The following DENND2B variants were observed in gnomAD, a reference collection of about 807,000 sequenced individuals.
DENND2B encodes DENN domain-containing protein 2B.
Under a neutral mutation model 116.0 loss-of-function variants are expected in DENND2B, and 32 were observed. The observed-to-expected ratio is 0.28, with a 90% confidence interval of 0.21 to 0.37. DENND2B has a LOEUF of 0.37. DENND2B is among the 10% of genes least tolerant of loss of function. The pLI is 1.00. For missense variants in DENND2B, 1,276 were observed against 1,477.7 expected, an observed-to-expected ratio of 0.86 and a Z score of 2.24; for synonymous variants, 588 against 583.9, an observed-to-expected ratio of 1.01 and a Z score of -0.10.
At chr11:8,819,575 G>A (rs1025987091) in intron 4 of DENND2B, among the ~76,000 whole-genome samples, 9 of 152,162 alleles carry the variant, frequency 5.9e-5, no homozygotes, top group East Asian at 1.9e-4. Flanking sequence ...ATGACACCAC[G>A]TACCCCGATA....
rs1163885224 is a variant in DENND2B at position 8,707,991 on chromosome 11, CCT to C, written c.2353-139_2353-138del. 54 of 1,530,988 alleles carry C rather than the reference CCT, an allele frequency of 3.5e-5. 1 individual carries two copies. The highest frequency in any genetic ancestry group is 1.6e-4 in the Admixed American group (8 of 50,830). The allele number at this position is 1,530,988 out of a possible 1,614,324, so 94.8% of individuals were successfully genotyped here. A position where few individuals can be genotyped will look rare whatever the true frequency, so the allele number is the denominator to read the frequency against. ...AGGAAGACTTTAAGCCTCCTCTAAA[CCT>C]CTCTGCAACCAGAGCCCTGAAGGAA... On this transcript the variant is annotated intron_variant, in intron 11 of 19. Transcript: ENST00000313726. The surrounding 1 kb of genome is among the most constrained non-coding windows in gnomAD (Gnocchi z 4.8).
chr11:8,694,552 G>T, intron 19 of DENND2B: 1 of 458,662 alleles, frequency 2.2e-6, no homozygotes, highest in Admixed American at 2.3e-5. Context: ...AAGACCTGAT[G>T]TATGTGGGAA....
At chr11:8,839,850 C>T (rs571581772) in intron 3 of DENND2B, among the ~76,000 whole-genome samples, 140 of 152,278 alleles carry the variant, frequency 9.2e-4, no homozygotes, top group African/African-American at 3.3e-3. Context: ...GTGCTGATAA[C>T]TACAGCAGAG....
At chr11:8,852,953 G>A (rs750114247) in intron 3 of DENND2B, among the ~76,000 whole-genome samples, 2 of 152,134 alleles carry the variant, frequency 1.3e-5, no homozygotes, top group African/African-American at 2.4e-5. Context: ...ATTAAACTTC[G>A]TGATTAAAAT....
intron 3 of DENND2B, among the ~76,000 whole-genome samples, chr11:8,857,046 C>T (rs2063218709): frequency 6.6e-6 from 1 of 152,196 alleles, no homozygotes; most frequent in Admixed American, 6.5e-5. Context: ...AGCCACTGCA[C>T]TTAGCCCCAT....
Position 8,696,558 on chromosome 11 carries a change from GC to G in DENND2B, c.3160del (p.Ala1054ProfsTer38). On this transcript the variant is annotated frameshift_variant, in exon 18 of 20. Transcript: ENST00000313726. LOFTEE classifies it high-confidence loss of function. ...TTTGCGGAAGGCCTCTCGCTGAAAGGCCCTCTCTCCCTTCTCACTCTGTGTC... is the reference window on the plus strand; with the variant it reads ...TTTGCGGAAGGCCTCTCGCTGAAAGGCCTCTCTCCCTTCTCACTCTGTGTC... ...FLTQSEKGER[A>X]FQREAFRKSV... 1 of 1,614,146 alleles carries G rather than the reference GC, an allele frequency of 6.2e-7. No homozygotes were observed. The highest frequency in any genetic ancestry group is 8.5e-7 in the Non-Finnish European group (1 of 1,180,044).
intron 1 of DENND2B, among the ~76,000 whole-genome samples, chr11:8,782,081 C>T (rs1433944306): frequency 1.3e-5 from 2 of 152,220 alleles, no homozygotes; most frequent in African/African-American, 4.8e-5. Flanking sequence ...AGCTGGCGTA[C>T]ACAAACTCTT....
At chr11:8,823,281 G>C (rs13377459) in intron 4 of DENND2B, among the ~76,000 whole-genome samples, 1 of 151,978 alleles carries the variant, frequency 6.6e-6, no homozygotes, top group Non-Finnish European at 1.5e-5. Flanking sequence ...GAGATGCACC[G>C]GCAGCTGGAT....
chr11:8,783,050 T>C (rs1019995422), intron 1 of DENND2B, among the ~76,000 whole-genome samples: 3 of 147,084 alleles, frequency 2.0e-5, no homozygotes, highest in Admixed American at 2.0e-4. Context: ...ACTTACCTTT[T>C]TTTTTTTTTT....
Position 8,718,110 on chromosome 11 carries a change from C to T in DENND2B, c.1478-218G>A, listed in dbSNP as rs1241863405. On this transcript the variant is annotated intron_variant, in intron 4 of 19. Transcript: ENST00000313726. Reference sequence around the variant, plus strand: ...GAAGCAGACCCACCCCCCCACCCCCCCCAACCCCCCACCCCCAGCCCAGCT... The same window carrying T: ...GAAGCAGACCCACCCCCCCACCCCCTCCAACCCCCCACCCCCAGCCCAGCT... The T allele has an allele frequency of 2.4e-4, 61 of 252,652 alleles. 1 individual carries two copies. In the East Asian group the frequency reaches 7.9e-3, roughly 33 times the overall value. The allele number at this position is 252,652 out of a possible 1,614,324, so 15.7% of individuals were successfully genotyped here. A position where few individuals can be genotyped will look rare whatever the true frequency, so the allele number is the denominator to read the frequency against.
rs774365499 is a variant in DENND2B, at chr11:8,699,398, G to A, written c.2721-8C>T. 3.1e-6 allele frequency: 5 copies of A among 1,588,984 alleles called. No homozygotes were observed. The South Asian group carries it at 4.6e-5, about 15-fold the overall frequency. ...GAGCAGCTGGAGAGGGTACTGATGG[G>A]CAGACAGAGAGACAGAGTACCTGAG... On this transcript the variant is annotated splice_polypyrimidine_tract_variant and splice_region_variant and intron_variant, in intron 14 of 19. Transcript: ENST00000313726.
intron 1 of DENND2B, among the ~76,000 whole-genome samples, chr11:8,765,689 T>C (rs1702135087): frequency 1.0e-5 from 1 of 97,354 alleles, no homozygotes; most frequent in Non-Finnish European, 2.6e-5. Context: ...ATTTCTTGTA[T>C]CATTTTTTTT....
At chr11:8,909,239 T>C (rs1315492678) in intron 1 of DENND2B, among the ~76,000 whole-genome samples, 1 of 151,986 alleles carries the variant, frequency 6.6e-6, no homozygotes, top group South Asian at 2.1e-4. Context: ...TACGAAACAT[T>C]TAAAAAATTT....
At chr11:8,813,465 T>A (rs997400179), upstream of DENND2B, among the ~76,000 whole-genome samples, 1 of 152,104 alleles carries the variant, frequency 6.6e-6, no homozygotes, top group Non-Finnish European at 1.5e-5. Flanking sequence ...CTCTTCCTTG[T>A]CCAAAAGGCA....
intron 4 of DENND2B, among the ~76,000 whole-genome samples, chr11:8,820,446 G>T (rs866320214): frequency 1.6e-4 from 24 of 152,122 alleles, no homozygotes; most frequent in African/African-American, 5.8e-4. Flanking sequence ...TAAGTATGCA[G>T]AATAAATGTC....
At chr11:8,869,236 T>TA (rs2063691097) in intron 2 of DENND2B, among the ~76,000 whole-genome samples, 1 of 152,338 alleles carries the variant, frequency 6.6e-6, no homozygotes, top group East Asian at 1.9e-4. Flanking sequence ...AAAATACTTT[T>TA]AAGGTAAGAG....
At chr11:8,786,429 T>A (rs902832350) in intron 1 of DENND2B, among the ~76,000 whole-genome samples, 1 of 152,218 alleles carries the variant, frequency 6.6e-6, no homozygotes, top group African/African-American at 2.4e-5. Context: ...CATTAAAACA[T>A]GAAACTCATT....
intron 4 of DENND2B, among the ~76,000 whole-genome samples, chr11:8,823,503 G>A (rs531281271): frequency 1.4e-4 from 21 of 152,268 alleles, no homozygotes; most frequent in Admixed American, 1.3e-3. Flanking sequence ...TAATCCCCAG[G>A]TGTCATGGGA....
chr11:8,778,579 C>T (rs1030188989), intron 1 of DENND2B, among the ~76,000 whole-genome samples: 2 of 152,200 alleles, frequency 1.3e-5, no homozygotes, highest in African/African-American at 2.4e-5. Flanking sequence ...CTTGCTGCTC[C>T]CCGCCTGCTT....
Sources: allele counts gnomAD v4.1 joint callset (sites outside exome capture counted in the v4.1 genomes callset), GRCh38; gene constraint gnomAD v4.1.1; non-coding constraint Gnocchi (gnomAD v3.1); transcripts MANE v1.5; gene names NCBI Gene and HGNC (gene_info 2026-07-23, HGNC 2026-07-21).